CAMK1D: variants seen among roughly 807,000 people sequenced by gnomAD.
CAMK1D encodes the protein calcium/calmodulin dependent protein kinase ID, also known as calcium/calmodulin-dependent protein kinase type 1D.
A neutral mutation model predicts 47.7 loss-of-function variants in CAMK1D; 9 were observed. That is an observed-to-expected ratio of 0.19 (90% confidence interval 0.11 to 0.33). The LOEUF (loss-of-function observed/expected upper bound fraction) is 0.33. CAMK1D is among the 10% of genes least tolerant of loss of function. CAMK1D has a pLI of 1.00. For missense variants in CAMK1D, 291 were observed against 488.7 expected (o/e 0.60, Z 3.81); for synonymous variants, 184 against 184.9 (o/e 0.99, Z 0.04).
intron 3 of CAMK1D, among the ~76,000 whole-genome samples, chr10:12,690,917 C>T (rs1832851833): frequency 6.6e-6 from 1 of 152,064 alleles, no homozygotes; most frequent in South Asian, 2.1e-4. Context: ...CGTGACCAAC[C>T]CCTCACCCTG....
intron 2 of CAMK1D, among the ~76,000 whole-genome samples, chr10:12,564,119 G>A (rs1436272363): frequency 7.9e-6 from 1 of 127,232 alleles, no homozygotes; most frequent in Non-Finnish European, 1.7e-5. Flanking sequence ...CTGTCTAGAT[G>A]TCTCTCTCTC....
chr10:12,534,484 A>G (rs1266116612), intron 1 of CAMK1D, among the ~76,000 whole-genome samples: 1 of 152,184 alleles, frequency 6.6e-6, no homozygotes, highest in East Asian at 1.9e-4. Flanking sequence ...CTCCTGTCTC[A>G]GCCTCCTGAG....
intron 1 of CAMK1D, among the ~76,000 whole-genome samples, chr10:12,350,247 C>A (rs1837312665): frequency 6.6e-6 from 1 of 152,258 alleles, no homozygotes. Context: ...GTGGGGATGG[C>A]TGTTTACCGG....
intron 2 of CAMK1D, among the ~76,000 whole-genome samples, chr10:12,591,414 A>G (rs916217261): frequency 3.3e-5 from 5 of 152,138 alleles, no homozygotes; most frequent in African/African-American, 9.7e-5. Flanking sequence ...TTATCCCCCT[A>G]CGGCACCTGC....
chr10:12,611,253 G>T (rs764864269), intron 2 of CAMK1D, among the ~76,000 whole-genome samples: 1 of 152,094 alleles, frequency 6.6e-6, no homozygotes, highest in Non-Finnish European at 1.5e-5. Context: ...CAGGCAACCC[G>T]GAAGACTCCA....
At chr10:12,756,552 C>G (rs1291564565) in intron 3 of CAMK1D, among the ~76,000 whole-genome samples, 1 of 152,190 alleles carries the variant, frequency 6.6e-6, no homozygotes, top group East Asian at 1.9e-4. Flanking sequence ...ATTATTATGT[C>G]AAACGATTTC....
intron 2 of CAMK1D, among the ~76,000 whole-genome samples, chr10:12,568,460 C>G (rs534148098): frequency 2.8e-5 from 2 of 71,224 alleles, no homozygotes; most frequent in Non-Finnish European, 5.4e-5. Flanking sequence ...CTTCCTTCCT[C>G]TTTTCTCTCT....
chr10:12,703,607 G>T (rs1054548859), intron 3 of CAMK1D, among the ~76,000 whole-genome samples: 18 of 152,216 alleles, frequency 1.2e-4, no homozygotes, highest in African/African-American at 4.1e-4. Flanking sequence ...GGTGGCTCAT[G>T]CCTGTAAACC....
chr10:12,462,508 A>G (rs943350322), intron 1 of CAMK1D, among the ~76,000 whole-genome samples: 1 of 151,226 alleles, frequency 6.6e-6, no homozygotes, highest in East Asian at 1.9e-4. Flanking sequence ...TAAGCATTGG[A>G]CCATATTTGT....
intron 1 of CAMK1D, among the ~76,000 whole-genome samples, chr10:12,503,895 C>A (rs1253807655): frequency 6.6e-6 from 1 of 152,120 alleles, no homozygotes; most frequent in Non-Finnish European, 1.5e-5. Flanking sequence ...ATATACCGGA[C>A]TGAGGATAGT....
intron 1 of CAMK1D, among the ~76,000 whole-genome samples, chr10:12,504,251 T>C (rs1053643927): frequency 8.5e-6 from 1 of 117,900 alleles, no homozygotes; most frequent in Non-Finnish European, 1.8e-5. Context: ...CACACACACA[T>C]CTAGGAGCTG....
intron 2 of CAMK1D, among the ~76,000 whole-genome samples, chr10:12,563,268 T>C (rs1837000917): frequency 6.6e-6 from 1 of 152,002 alleles, no homozygotes; most frequent in Admixed American, 6.6e-5. Flanking sequence ...GGTGGGAAGA[T>C]CACTTGAGTC....
chr10:12,585,208 G>T, intron 2 of CAMK1D, among the ~76,000 whole-genome samples: 1 of 152,204 alleles, frequency 6.6e-6, no homozygotes, highest in Middle Eastern at 3.2e-3. Flanking sequence ...TGAAATTTAA[G>T]GTCATCAGAA....
chr10:12,809,478 A>G (rs1343650460), intron 6 of CAMK1D, among the ~76,000 whole-genome samples: 3 of 152,270 alleles, frequency 2.0e-5, no homozygotes, highest in Non-Finnish European at 2.9e-5. Flanking sequence ...ATAGCTGAAT[A>G]GCTAAGTGTC....
chr10:12,649,210 A>G (rs1038056986), intron 2 of CAMK1D, among the ~76,000 whole-genome samples: 6 of 152,218 alleles, frequency 3.9e-5, no homozygotes, highest in African/African-American at 1.4e-4. Flanking sequence ...GTTGGCGTAC[A>G]CACTAACACA....
rs961925613 is a variant in CAMK1D, at chr10:12,373,645, A to G, written c.92+23735A>G. 5.3e-5 allele frequency among the ~76,000 whole-genome samples: 8 copies of G among 152,180 alleles called. No individual in the cohort carries two copies. The East Asian group carries it at 9.7e-4, about 18-fold the overall frequency. On this transcript the variant is annotated intron_variant, in intron 1 of 10. Coordinates refer to ENST00000619168, the MANE Select transcript of CAMK1D (RefSeq NM_153498.4). ...AGGCTCCATCTCAAAAAAACAAACA[A>G]ACAAACAAAAAAACACCCCAAAATC...
At chr10:12,696,922 T>G (rs1554812343) in intron 3 of CAMK1D, among the ~76,000 whole-genome samples, 1 of 152,224 alleles carries the variant, frequency 6.6e-6, no homozygotes, top group Non-Finnish European at 1.5e-5. Context: ...TCTAGGATAT[T>G]TATCTGCCTG....
Position 12,763,859 on chromosome 10 carries a change from C to T in CAMK1D, c.438+2773C>T, listed in dbSNP as rs540132002. Among the ~76,000 whole-genome samples the T allele has an allele frequency of 5.3e-5, 8 of 152,240 alleles. No individual in the cohort carries two copies. In the South Asian group the frequency reaches 1.4e-3, roughly 28 times the overall value. On this transcript the variant is annotated intron_variant, in intron 4 of 10. Coordinates refer to ENST00000619168, the MANE Select transcript of CAMK1D (RefSeq NM_153498.4). The stretch of plus-strand genomic sequence containing the variant: ...GTCTTGCAAAGATGCCATAATATGC[C>T]GAAAACTTAATTTTTCCAGTGAGTC...
At chr10:12,557,484 A>G (rs2492947) in intron 2 of CAMK1D, among the ~76,000 whole-genome samples, 121,458 of 148,688 alleles carry the variant, frequency 0.82, 50,917 homozygotes, top group Non-Finnish European at 0.92. Flanking sequence ...CCCGGGAGGC[A>G]GAGCTTGAAG....
Sources: allele counts gnomAD v4.1 joint callset (sites outside exome capture counted in the v4.1 genomes callset), GRCh38; gene constraint gnomAD v4.1.1; transcripts MANE v1.5; gene names NCBI Gene and HGNC (gene_info 2026-07-23, HGNC 2026-07-21).